The following GALC variants were observed in gnomAD, a reference collection of about 807,000 sequenced individuals.
The protein encoded by GALC is galactocerebrosidase.
In GALC, 77 loss-of-function variants were observed where a neutral mutation model predicts 91.8. The ratio of observed to expected loss-of-function variants is 0.84; its 90% CI spans 0.70 to 1.01. The LOEUF is 1.01. Among genes scored for constraint, GALC ranks in the 50% least tolerant of loss-of-function variants. The pLI, the probability that GALC is intolerant of heterozygous loss-of-function variation, is 0.00. For synonymous variants in GALC, 357 were observed against 306.7 expected, an observed-to-expected ratio of 1.16 and a Z score of -1.71; for missense variants, 882 against 855.9, an observed-to-expected ratio of 1.03 and a Z score of -0.38.
intron 7 of GALC, among the ~76,000 whole-genome samples, chr14:87,975,939 C>G (rs1344088461): frequency 6.6e-6 from 1 of 152,102 alleles, no homozygotes. Flanking sequence ...ACTAAGGAGG[C>G]ATGACAAAAG....
chr14:87,976,653 C>T (rs1254098814), intron 6 of GALC, 165 bp from the exon 7 acceptor site: 8 of 608,276 alleles, frequency 1.3e-5, no homozygotes, highest in South Asian at 7.3e-5. Flanking sequence ...CTTCTCTCGT[C>T]GCCCAGGCTG....
chr14:87,976,361 A>G lies in GALC; in HGVS notation c.749T>C (p.Ile250Thr), dbSNP rs886039569. 10 of 1,613,996 alleles carry G rather than the reference A, an allele frequency of 6.2e-6. No homozygotes were observed. The highest frequency in any genetic ancestry group is 2.2e-5 in the South Asian group (2 of 91,090). Residue 250 changes from isoleucine to threonine, a missense_variant, in exon 7 of 17, where the codon ATA becomes ACA. By Grantham distance (89) the Ile-to-Thr change is moderately conservative. Coordinates refer to ENST00000261304, the MANE Select transcript of GALC (RefSeq NM_000153.4). ...DAELFKVVDV[I>T]GAHYPGTHSA... ...TTCCAAGTAAAACATGCCTTACCCT[A>G]TAACATCAACCACCTTGAAGAGTTC...
In GALC at chr14:87,993,148, A is replaced by G; in HGVS notation, c.17T>C (p.Leu6Pro). The change falls in exon 1 of 17, where the codon CTC (leucine) becomes CCC (proline). Residue 6 changes from leucine to proline, a missense_variant. Coordinates refer to ENST00000261304, the MANE Select transcript of GALC (RefSeq NM_000153.4). ...CGCTCGGCGTTGCCAGGAAGCCGAG[A>G]GTAGCCACTCAGCCATTGTGTGGGT... MAEWL[L>P]SASWQRRAKA... is the part of the protein sequence containing the mutation. 2.0e-5 allele frequency: 31 copies of G among 1,583,800 alleles called. No individual in the cohort carries two copies. Among genetic ancestry groups the G allele is most frequent in the Non-Finnish European group, 2.7e-5 (31 of 1,166,086 alleles).
chr14:87,993,069 C>G lies in GALC; in HGVS notation c.96G>C (p.Leu32=). The change falls in exon 1 of 17, where the codon CTG becomes CTC. Residue 32 remains leucine, a synonymous_variant. Transcript: ENST00000261304. ...GSAGRAAVPL[L]LCALLAPGGA... is the part of the protein sequence containing the mutation. ...CGCCGGGCGCCAGCAGCGCACACAGCAGCAAGGGCACCGCGGCGCGGCCCG... is the reference window on the plus strand; with the variant it reads ...CGCCGGGCGCCAGCAGCGCACACAGGAGCAAGGGCACCGCGGCGCGGCCCG... The G allele has an allele frequency of 6.3e-7, 1 of 1,578,110 alleles. No homozygotes were observed. Among genetic ancestry groups the G allele is most frequent in the Non-Finnish European group, 8.6e-7 (1 of 1,162,972 alleles).
At chr14:87,937,742 A>G (rs1378093418) in intron 16 of GALC, among the ~76,000 whole-genome samples, 1 of 151,784 alleles carries the variant, frequency 6.6e-6, no homozygotes, top group Non-Finnish European at 1.5e-5. Context: ...AAAGTACCTG[A>G]AAAAAATTAA....
chr14:87,954,682 T>A, intron 10 of GALC: 2 of 1,561,332 alleles, frequency 1.3e-6, no homozygotes, highest in Non-Finnish European at 1.8e-6. Context: ...AAGCCCAGAT[T>A]TCAGAGCTGT....
At chr14:87,938,663 A>G (rs532420631) in intron 16 of GALC, among the ~76,000 whole-genome samples, 1 of 152,120 alleles carries the variant, frequency 6.6e-6, no homozygotes, top group South Asian at 2.1e-4. Context: ...TGACGTATTA[A>G]AGACTTACAC....
rs1479646890 is a variant in GALC, at chr14:87,992,524, A to G, written c.195+446T>C. ...CCACCCACCAACTCCTCCAAAAGGGAGAGACACAGCCAAAGCATCCCACTG... is the reference window on the plus strand; with the variant it reads ...CCACCCACCAACTCCTCCAAAAGGGGGAGACACAGCCAAAGCATCCCACTG... On this transcript the variant is annotated intron_variant, in intron 1 of 16. Transcript: ENST00000261304. The G allele has an allele frequency of 1.2e-4, 186 of 1,529,058 alleles. No homozygotes were observed. In the East Asian group the frequency reaches 4.5e-3, roughly 37 times the overall value. The allele number at this position is 1,529,058 out of a possible 1,614,324, so 94.7% of individuals were successfully genotyped here. A position where few individuals can be genotyped will look rare whatever the true frequency, so the allele number is the denominator to read the frequency against.
At chr14:87,946,661 T>C (rs558893640) in intron 13 of GALC, among the ~76,000 whole-genome samples, 2 of 152,022 alleles carry the variant, frequency 1.3e-5, no homozygotes, top group East Asian at 3.9e-4. Context: ...CCCACACAGA[T>C]TCCTCACTTA....
intron 16 of GALC, among the ~76,000 whole-genome samples, chr14:87,937,588 G>A (rs454053): frequency 0.96 from 145,378 of 151,884 alleles, 69,873 homozygotes; most frequent in Non-Finnish European, 1. Context: ...GAATCACATT[G>A]TATTAAAGAC....
At chr14:87,972,513 C>T (rs958322197) in intron 7 of GALC, among the ~76,000 whole-genome samples, 3 of 152,040 alleles carry the variant, frequency 2.0e-5, no homozygotes, top group Admixed American at 6.6e-5. Context: ...ATTCATTAAG[C>T]TATTATCCGA....
rs1033026304 is a variant in GALC at position 87,954,423 on chromosome 14, G to C, written c.1162-3675C>G. ...GTATTATGGAGTCCTGGAGCAGCCT[G>C]GTACCCTCAACTGCAAAGGAAAAAA... On this transcript the variant is annotated intron_variant, in intron 10 of 16. Coordinates refer to ENST00000261304, the MANE Select transcript of GALC (RefSeq NM_000153.4). 6 of 1,593,668 alleles carry C rather than the reference G, an allele frequency of 3.8e-6. No individual in the cohort carries two copies. The South Asian group carries it at 4.4e-5, about 12-fold the overall frequency.
intron 15 of GALC, 61 bp downstream of exon 15, chr14:87,941,334 G>T: frequency 9.7e-7 from 1 of 1,035,630 alleles, no homozygotes. Flanking sequence ...ATAACAAGTA[G>T]GTGCTCAAAG....
chr14:87,940,005 A>G (rs892784062), intron 15 of GALC, 24 bp from the exon 16 acceptor site: 6 of 1,549,306 alleles, frequency 3.9e-6, no homozygotes, highest in East Asian at 2.2e-5. Context: ...ATATTATCCC[A>G]ATAGATATAA....
At chr14:87,962,853 T>C (rs759418908) in intron 10 of GALC, among the ~76,000 whole-genome samples, 1 of 152,120 alleles carries the variant, frequency 6.6e-6, no homozygotes, top group Non-Finnish European at 1.5e-5. Context: ...TCTGCTTCCA[T>C]GTTTTTTCAC....
At chr14:87,962,212 G>C (rs1332114905) in intron 10 of GALC, among the ~76,000 whole-genome samples, 1 of 152,128 alleles carries the variant, frequency 6.6e-6, no homozygotes, top group African/African-American at 2.4e-5. Context: ...GCTCTGACAG[G>C]GAGTGGGGAG....
chr14:87,960,327 G>A (rs1230580846), intron 10 of GALC, among the ~76,000 whole-genome samples: 1 of 152,222 alleles, frequency 6.6e-6, no homozygotes, highest in Non-Finnish European at 1.5e-5. Flanking sequence ...GGAGGTGTAA[G>A]TTCTGGTGTT....
At chr14:87,973,373 A>C (rs1886372876) in intron 7 of GALC, among the ~76,000 whole-genome samples, 1 of 128,698 alleles carries the variant, frequency 7.8e-6, no homozygotes, top group South Asian at 2.7e-4. Context: ...AGAAATAGTA[A>C]TTAAATTATA....
chr14:87,993,323 C>G (rs1469568652), upstream of GALC: 1 of 1,536,220 alleles, frequency 6.5e-7, no homozygotes, highest in Non-Finnish European at 8.7e-7. Context: ...AAAGAAGCAG[C>G]GAGCTTTTTC....
Sources: gnomAD v4.1 joint callset for allele counts (sites outside exome capture counted in the v4.1 genomes callset) on GRCh38, gnomAD v4.1.1 for gene constraint, MANE v1.5 for transcripts, NCBI Gene and HGNC (gene_info 2026-07-23, HGNC 2026-07-21) for gene names.